DPF3: variants seen among roughly 807,000 people sequenced by gnomAD.
DPF3 encodes zinc finger protein DPF3.
In DPF3, 18 loss-of-function variants were observed where a neutral mutation model predicts 56.8. That is an observed-to-expected ratio of 0.32 (90% confidence interval 0.22 to 0.47). DPF3 has a LOEUF of 0.47. Among genes scored for constraint, DPF3 ranks in the 20% least tolerant of loss-of-function variants. DPF3 has a pLI of 1.00. For missense variants in DPF3, 403 were observed against 488.8 expected (o/e 0.82, Z 1.65); for synonymous variants, 188 against 180.2 (o/e 1.04, Z -0.35).
chr14:72,842,555 T>C (rs73304180), intron 1 of DPF3, among the ~76,000 whole-genome samples: 2,224 of 152,208 alleles, frequency 0.015, 53 homozygotes, highest in African/African-American at 0.051. Flanking sequence ...GTAGGGAGCG[T>C]TGGGGTGCCT....
chr14:72,635,689 A>G (rs1599320808), intron 8 of DPF3, among the ~76,000 whole-genome samples: 1 of 152,254 alleles, frequency 6.6e-6, no homozygotes, highest in African/African-American at 2.4e-5. Context: ...GATATTCAGT[A>G]CATTGAGAGA....
rs1884221530 is a variant in DPF3, at chr14:72,618,451, C to A, written c.*846G>T. Among the ~76,000 whole-genome samples, 1 of 152,176 alleles carries A rather than the reference C, an allele frequency of 6.6e-6. No homozygotes were observed. Among genetic ancestry groups the A allele is most frequent in the African/African-American group, 2.4e-5 (1 of 41,436 alleles). ...CTCCAGAACCAGGTGGGCTGAGAGG[C>A]AGAGGCTTGACCGTCTTCCTCTGTC... On this transcript the variant is annotated 3_prime_UTR_variant, in exon 11 of 11. Transcript: ENST00000556509.
At chr14:72,693,388 T>C (rs1274950304) in intron 6 of DPF3, among the ~76,000 whole-genome samples, 175 bp from the exon 7 acceptor site, 2 of 152,088 alleles carry the variant, frequency 1.3e-5, no homozygotes, top group East Asian at 3.9e-4. Flanking sequence ...AACACCCTTG[T>C]AACAACTCAG....
intron 5 of DPF3, among the ~76,000 whole-genome samples, chr14:72,722,744 A>G (rs541070824): frequency 1.5e-4 from 23 of 152,320 alleles, no homozygotes; most frequent in African/African-American, 5.3e-4. Flanking sequence ...TTATTGTCAC[A>G]TGCCCTTGCA....
At chr14:72,639,570 C>T (rs1885481594) in intron 8 of DPF3, among the ~76,000 whole-genome samples, 2 of 152,212 alleles carry the variant, frequency 1.3e-5, no homozygotes, top group African/African-American at 4.8e-5. Context: ...GCCCTACAGA[C>T]AGGTCCATGT....
At chr14:72,697,689 T>C (rs747313188) in intron 6 of DPF3, among the ~76,000 whole-genome samples, 46 of 152,162 alleles carry the variant, frequency 3.0e-4, no homozygotes, top group Non-Finnish European at 4.6e-4. Flanking sequence ...CTTAAGATTG[T>C]AGGGCAGAAT....
intron 9 of DPF3, among the ~76,000 whole-genome samples, chr14:72,623,843 A>C (rs564763921): frequency 3.7e-4 from 56 of 152,336 alleles, no homozygotes; most frequent in African/African-American, 1.3e-3. Flanking sequence ...ACCATTGCCC[A>C]CTAAAAGGAA....
At chr14:72,670,841 C>T (rs1211008562) in intron 8 of DPF3, 5 of 1,138,476 alleles carry the variant, frequency 4.4e-6, no homozygotes, top group East Asian at 6.2e-5. Flanking sequence ...AGAGACAATC[C>T]GTCTAACTTC....
At chr14:72,890,692 A>C (rs1355298487) in intron 1 of DPF3, among the ~76,000 whole-genome samples, 3 of 152,174 alleles carry the variant, frequency 2.0e-5, no homozygotes, top group Non-Finnish European at 4.4e-5. Flanking sequence ...CTTTGCTCAG[A>C]CAATGTAGCT....
At chr14:72,811,740 T>C (rs916263136) in intron 1 of DPF3, among the ~76,000 whole-genome samples, 3 of 152,160 alleles carry the variant, frequency 2.0e-5, no homozygotes, top group Non-Finnish European at 2.9e-5. Flanking sequence ...GGCACACAAA[T>C]GTTAGTCACT....
At chr14:72,665,621 G>A (rs762230884) in intron 8 of DPF3, among the ~76,000 whole-genome samples, 7 of 152,148 alleles carry the variant, frequency 4.6e-5, no homozygotes, top group East Asian at 1.9e-4. Flanking sequence ...AACCAGTATC[G>A]AGGTTGTGAA....
At chr14:72,882,610 T>G (rs1244722615) in intron 1 of DPF3, among the ~76,000 whole-genome samples, 1 of 152,218 alleles carries the variant, frequency 6.6e-6, no homozygotes, top group Non-Finnish European at 1.5e-5. Flanking sequence ...CGCCTGTTAA[T>G]TTTTCTTGCT....
chr14:72,854,083 G>A (rs949429243), intron 1 of DPF3, among the ~76,000 whole-genome samples: 4 of 152,114 alleles, frequency 2.6e-5, no homozygotes, highest in African/African-American at 4.8e-5. Context: ...TTGGCCAGGC[G>A]CAGTGCCTCA....
At position 72,659,246 on chromosome 14, in the gene DPF3, G is replaced by T. The variant is rs546954604; in HGVS notation, c.871+14994C>A. ...CAAAGATACCTGCTCTGTCAGCATC[G>T]GATTGGCAACCCCAGAGCTAACCAT... On this transcript the variant is annotated intron_variant, in intron 8 of 10. Transcript: ENST00000556509. 3.3e-5 allele frequency among the ~76,000 whole-genome samples: 5 copies of T among 152,250 alleles called. No individual in the cohort carries two copies. In the South Asian group the frequency reaches 1.0e-3, roughly 32 times the overall value.
chr14:72,792,727 C>T (rs1371664259), intron 1 of DPF3, among the ~76,000 whole-genome samples: 2 of 152,072 alleles, frequency 1.3e-5, no homozygotes, highest in African/African-American at 2.4e-5. Context: ...TGCTGTGTCT[C>T]GATGGAGCCA....
intron 1 of DPF3, among the ~76,000 whole-genome samples, chr14:72,847,167 G>A (rs879321603): frequency 2.6e-5 from 4 of 152,178 alleles, no homozygotes; most frequent in Non-Finnish European, 5.9e-5. Flanking sequence ...TCTTGAACAC[G>A]TCTTTCCTTT....
chr14:72,621,714 G>A (rs188336342), intron 9 of DPF3, among the ~76,000 whole-genome samples: 5 of 152,326 alleles, frequency 3.3e-5, no homozygotes, highest in African/African-American at 9.6e-5. Context: ...ATCCAGGTGC[G>A]TGATGATGGT....
chr14:72,839,582 C>A (rs1033811554), intron 1 of DPF3, among the ~76,000 whole-genome samples: 10 of 152,178 alleles, frequency 6.6e-5, no homozygotes, highest in Non-Finnish European at 1.2e-4. Flanking sequence ...GCCAAAGTGT[C>A]CTCCTTTCTC....
chr14:72,785,324 C>A (rs1364622812), intron 1 of DPF3, among the ~76,000 whole-genome samples: 1 of 152,164 alleles, frequency 6.6e-6, no homozygotes, highest in Non-Finnish European at 1.5e-5. Flanking sequence ...TATTCCCATA[C>A]AACTCCATGA....
Sources: gnomAD v4.1 joint callset for allele counts (sites outside exome capture counted in the v4.1 genomes callset) on GRCh38, gnomAD v4.1.1 for gene constraint, MANE v1.5 for transcripts, NCBI Gene and HGNC (gene_info 2026-07-23, HGNC 2026-07-21) for gene names.